MYH15: variants seen among roughly 807,000 people sequenced by gnomAD.
MYH15 encodes myosin-15.
Under a neutral mutation model 240.5 loss-of-function variants are expected in MYH15, and 227 were observed. That is an observed-to-expected ratio of 0.94 (90% CI 0.85 to 1.05). The LOEUF is 1.05. MYH15 is among the 50% of genes least tolerant of loss of function. The pLI is 0.00. For missense variants in MYH15, 2,217 were observed against 2,247.5 expected (o/e 0.99, Z 0.27); for synonymous variants, 785 against 796.7 (o/e 0.99, Z 0.25).
intron 3 of MYH15, among the ~76,000 whole-genome samples, chr3:108,500,508 G>A (rs1300238279): frequency 6.6e-6 from 1 of 152,160 alleles, no homozygotes; most frequent in African/African-American, 2.4e-5. Context: ...TTACTAACAA[G>A]TCTGACACAT....
upstream of MYH15, among the ~76,000 whole-genome samples, chr3:108,532,887 T>C (rs938818813): frequency 6.6e-6 from 1 of 152,244 alleles, no homozygotes; most frequent in East Asian, 1.9e-4. Flanking sequence ...GCCAAACCAA[T>C]GTATTGGCTA....
intron 27 of MYH15, among the ~76,000 whole-genome samples, chr3:108,422,308 C>A (rs2082690066): frequency 6.6e-6 from 1 of 151,684 alleles, no homozygotes; most frequent in South Asian, 2.1e-4. Context: ...ACCTCCACTT[C>A]CCAGGTTCAA....
chr3:108,410,434 TA>T (rs527424138), intron 31 of MYH15, 148 bp downstream of exon 31: 6,268 of 431,588 alleles, frequency 0.015, no homozygotes, highest in South Asian at 0.017. Context: ...GCATCTAAAG[TA>T]AAAAAAAAAT....
In MYH15 at chr3:108,505,786, G is replaced by T; in HGVS notation, c.132C>A (p.Ile44=). The change falls in exon 2 of 41, where the codon ATC becomes ATA. Residue 44 remains isoleucine, a synonymous_variant. Coordinates refer to ENST00000693548, the MANE Select transcript of MYH15 (RefSeq NM_014981.3). Reference sequence around the variant, plus strand: ...CTTCACTCCCTTTTACCTCAGCCTCGATATAAGCATTCTCACCATCAGGAA... The same window carrying T: ...CTTCACTCCCTTTTACCTCAGCCTCTATATAAGCATTCTCACCATCAGGAA... The part of the protein sequence containing the change: ...CWIPDGENAY[I]EAEVKGSEDD... The T allele has an allele frequency of 6.2e-7, 1 of 1,608,276 alleles. No homozygotes were observed. The highest frequency in any genetic ancestry group is 1.7e-5 in the Admixed American group (1 of 59,364).
At chr3:108,423,496 CCA>C (rs2082701037) in intron 27 of MYH15, among the ~76,000 whole-genome samples, 1 of 152,172 alleles carries the variant, frequency 6.6e-6, no homozygotes, top group African/African-American at 2.4e-5. Context: ...TCAATTGTCC[CCA>C]CTCTCCACTC....
chr3:108,543,278 T>C, the MYH15 span: 1 of 152,286 alleles, frequency 6.6e-6, no homozygotes, highest in Non-Finnish European at 1.5e-5. Flanking sequence ...GTTGATTCCA[T>C]GTCTTTGCTA....
chr3:108,528,709 G>A (rs1033748926), intron 1 of MYH15, among the ~76,000 whole-genome samples: 4 of 152,154 alleles, frequency 2.6e-5, no homozygotes, highest in Admixed American at 2.6e-4. Context: ...TTGGAAAAGA[G>A]AGACGACTAC....
chr3:108,548,778 T>C, the MYH15 span, among the ~76,000 whole-genome samples: 1 of 152,122 alleles, frequency 6.6e-6, no homozygotes. Context: ...AACATATGAA[T>C]GAATGACCAA....
intron 5 of MYH15, among the ~76,000 whole-genome samples, chr3:108,498,873 C>A (rs1289102782): frequency 6.6e-6 from 1 of 152,234 alleles, no homozygotes; most frequent in Non-Finnish European, 1.5e-5. Context: ...CACTTCACAG[C>A]CCCTTGAGTC....
intron 9 of MYH15, among the ~76,000 whole-genome samples, chr3:108,487,029 A>G (rs1463166633): frequency 1.3e-5 from 2 of 152,200 alleles, no homozygotes; most frequent in Non-Finnish European, 2.9e-5. Context: ...CATCCTCGCT[A>G]TTAGAGAACT....
intron 6 of MYH15, among the ~76,000 whole-genome samples, chr3:108,496,412 G>GAA (rs2083390230): frequency 6.6e-6 from 1 of 152,114 alleles, no homozygotes; most frequent in Non-Finnish European, 1.5e-5. Flanking sequence ...AGGCTGATAG[G>GAA]CAAAAACAGA....
At chr3:108,502,140 C>T (rs2083443426) in intron 2 of MYH15, among the ~76,000 whole-genome samples, 1 of 152,168 alleles carries the variant, frequency 6.6e-6, no homozygotes, top group Admixed American at 6.5e-5. Flanking sequence ...CTGATTCCCT[C>T]TAAGAGTACA....
intron 30 of MYH15, among the ~76,000 whole-genome samples, chr3:108,411,943 C>T (rs2107548882): frequency 6.6e-6 from 1 of 152,334 alleles, no homozygotes; most frequent in South Asian, 2.1e-4. Flanking sequence ...CCTAGCCATA[C>T]TCACTTCACT....
rs1424485261 is a variant in MYH15 at position 108,437,555 on chromosome 3, T to C, written c.3220A>G (p.Lys1074Glu). ...SQRHLAEELR[K>E]KELELSQMNS... ...CATGTCAACAGAAAGGTGGCTTACT[T>C]CCTCAGCTCTTCTGCCAGGTGTCGC... The change falls in exon 25 of 41, where the codon AAA becomes GAA. Residue 1074 changes from lysine (K) to glutamate (E), a missense_variant and splice_region_variant. By Grantham distance (56) the Lys-to-Glu change is moderately conservative. Coordinates refer to ENST00000693548, the MANE Select transcript of MYH15 (RefSeq NM_014981.3). 6.2e-7 allele frequency: 1 copy of C among 1,611,796 alleles called. No homozygotes were observed. Among genetic ancestry groups the C allele is most frequent in the Admixed American group, 1.7e-5 (1 of 59,556 alleles).
At chr3:108,435,886 G>A (rs572048974) in intron 25 of MYH15, among the ~76,000 whole-genome samples, 1 of 150,948 alleles carries the variant, frequency 6.6e-6, no homozygotes, top group South Asian at 2.1e-4. Flanking sequence ...ATCCATTCAT[G>A]TATCAGTGAA....
intron 6 of MYH15, 79 bp downstream of exon 6, chr3:108,497,973 A>G: frequency 7.9e-7 from 1 of 1,266,984 alleles, no homozygotes; most frequent in Non-Finnish European, 1.1e-6. Flanking sequence ...TCACTTCCCA[A>G]AAGTGGTCCG....
the MYH15 span, among the ~76,000 whole-genome samples, chr3:108,537,432 TAA>T: frequency 6.6e-6 from 1 of 152,168 alleles, no homozygotes; most frequent in Admixed American, 6.5e-5. Context: ...ATAATAGTAT[TAA>T]GAGGGAGGGC....
At chr3:108,510,902 T>C (rs554626888), upstream of MYH15, among the ~76,000 whole-genome samples, 67 of 152,296 alleles carry the variant, frequency 4.4e-4, no homozygotes, top group South Asian at 0.013. Context: ...GAATGATACA[T>C]ATTAATGAAC....
chr3:108,381,597 T>G, intron 40 of MYH15, 38 bp from the exon 41 acceptor site: 1 of 1,611,470 alleles, frequency 6.2e-7, no homozygotes, highest in East Asian at 2.2e-5. Context: ...GTGAATTTCC[T>G]GTGATTTTCA....
Sources: gnomAD v4.1 joint callset for allele counts (sites outside exome capture counted in the v4.1 genomes callset) on GRCh38, gnomAD v4.1.1 for gene constraint, MANE v1.5 for transcripts, NCBI Gene and HGNC (gene_info 2026-07-23, HGNC 2026-07-21) for gene names.